Variants in COL4A4 observed in about 807,000 individuals in gnomAD.
COL4A4 encodes collagen type IV alpha 4 chain.
COL4A4 carries 105 observed loss-of-function variants against 192.9 expected under a neutral mutation model. The ratio of observed to expected loss-of-function variants is 0.54; its 90% CI spans 0.46 to 0.64. The LOEUF (loss-of-function observed/expected upper bound fraction) is 0.64. Ranked by LOEUF, COL4A4 falls within the 30% of genes least tolerant of loss-of-function variation. The probability of loss-of-function intolerance (pLI) is 0.00; values close to 1 mark genes in which losing one functional copy is unlikely to be tolerated. For synonymous variants in COL4A4, 762 were observed against 769.9 expected (o/e 0.99, Z 0.17); for missense variants, 1,967 against 2,169.3 (o/e 0.91, Z 1.85).
At chr2:227,013,412 A>T (rs945010031) in intron 44 of COL4A4, among the ~76,000 whole-genome samples, 2 of 152,130 alleles carry the variant, frequency 1.3e-5, no homozygotes, top group Admixed American at 1.3e-4. Context: ...ACCTTTAAGG[A>T]GGTGATTCTG....
intron 17 of COL4A4, among the ~76,000 whole-genome samples, chr2:227,100,018 C>T (rs2060419115): frequency 6.6e-6 from 1 of 152,210 alleles, no homozygotes; most frequent in Admixed American, 6.5e-5. Flanking sequence ...TAATGTCTAA[C>T]TTGGCATCGA....
At chr2:227,089,092 GA>G (rs2059759695) in intron 21 of COL4A4, among the ~76,000 whole-genome samples, 1 of 151,770 alleles carries the variant, frequency 6.6e-6, no homozygotes, top group Non-Finnish European at 1.5e-5. Flanking sequence ...GGGAAAAGCT[GA>G]TATCCAATTC....
chr2:227,095,507 T>C (rs936277134), intron 19 of COL4A4, among the ~76,000 whole-genome samples: 10 of 152,228 alleles, frequency 6.6e-5, no homozygotes, highest in African/African-American at 2.4e-4. Context: ...ATGTTCAGTG[T>C]GTTCAGATGA....
intron 20 of COL4A4, among the ~76,000 whole-genome samples, chr2:227,092,664 C>T (rs1027881402): frequency 6.6e-6 from 1 of 152,104 alleles, no homozygotes; most frequent in African/African-American, 2.4e-5. Flanking sequence ...AGACAATTGA[C>T]AAGATGTTCT....
At position 227,123,913 on chromosome 2, in the gene COL4A4, T is replaced by G. The variant is rs959890287; in HGVS notation, c.193-2765A>C. 3.9e-5 allele frequency among the ~76,000 whole-genome samples: 6 copies of G among 152,192 alleles called. No homozygotes were observed. The highest frequency in any genetic ancestry group is 2.0e-4 in the Admixed American group (3 of 15,280). Reference sequence around the variant, plus strand: ...GTTTGAAGCCCAGGACCACACTGACTTGCTGTGTGACCTTGGGTATGTTTC... The same window carrying G: ...GTTTGAAGCCCAGGACCACACTGACGTGCTGTGTGACCTTGGGTATGTTTC... On this transcript the variant is annotated intron_variant, in intron 4 of 47. Coordinates refer to ENST00000396625, the MANE Select transcript of COL4A4 (RefSeq NM_000092.5). The surrounding 1 kb of genome is among the most constrained non-coding windows in gnomAD (Gnocchi z 4.6).
chr2:226,971,565 T>A, the COL4A4 span, among the ~76,000 whole-genome samples: 3 of 152,252 alleles, frequency 2.0e-5, no homozygotes, highest in Non-Finnish European at 2.9e-5. Context: ...CAATAGCCAC[T>A]TTCAGGTCAT....
intron 4 of COL4A4, among the ~76,000 whole-genome samples, chr2:227,124,106 C>G (rs930764603): frequency 6.6e-6 from 1 of 152,088 alleles, no homozygotes; most frequent in South Asian, 2.1e-4. Flanking sequence ...AAACAAGCCA[C>G]AGAATAGTAT....
intron 4 of COL4A4, among the ~76,000 whole-genome samples, chr2:227,130,344 C>G (rs992517394): frequency 6.6e-6 from 1 of 152,216 alleles, no homozygotes; most frequent in Non-Finnish European, 1.5e-5. Flanking sequence ...ACCCCTTACT[C>G]CAGGCCATTG....
rs780832023 is a variant in COL4A4 at position 227,103,996 on chromosome 2, G to T, written c.792C>A (p.Asp264Glu). 1.9e-6 allele frequency: 3 copies of T among 1,613,498 alleles called. No individual in the cohort carries two copies. In the South Asian group the frequency reaches 3.3e-5, roughly 18 times the overall value. The change falls in exon 13 of 48, where the codon GAC becomes GAA. Residue 264 changes from aspartate (D) to glutamate (E), a missense_variant. Transcript: ENST00000396625. ...CCTTTTCTCCTTTATAGAGACAAAA[G>T]TCAGGTGGCTCTACCAACAGGGTGG... ...PGPTLLVEPP[D>E]FCLYKGEKGI... is the part of the protein sequence containing the mutation.
At chr2:227,008,340 C>G in intron 46 of COL4A4, 36 bp from the exon 47 acceptor site, 1 of 1,609,288 alleles carries the variant, frequency 6.2e-7, no homozygotes, top group Non-Finnish European at 8.5e-7. Flanking sequence ...GGTGTCCAAG[C>G]ACCCCATGTA....
intron 37 of COL4A4, among the ~76,000 whole-genome samples, chr2:227,040,551 T>C (rs915894323): frequency 1.3e-5 from 2 of 148,464 alleles, no homozygotes; most frequent in African/African-American, 2.5e-5. Context: ...AAAATACCCA[T>C]AGAAAAAATA....
intron 25 of COL4A4, among the ~76,000 whole-genome samples, chr2:227,074,259 C>T (rs1445390470): frequency 6.6e-6 from 1 of 151,808 alleles, no homozygotes; most frequent in Non-Finnish European, 1.5e-5. Flanking sequence ...AGACATTTCT[C>T]AAAGTAAGAT....
intron 4 of COL4A4, among the ~76,000 whole-genome samples, chr2:227,124,145 A>G (rs2061957544): frequency 6.6e-6 from 1 of 152,214 alleles, no homozygotes; most frequent in African/African-American, 2.4e-5. Flanking sequence ...TAGAGAAACA[A>G]AAGAACAGAC....
At chr2:226,984,820 C>G in the COL4A4 span, among the ~76,000 whole-genome samples, 1 of 151,096 alleles carries the variant, frequency 6.6e-6, no homozygotes, top group African/African-American at 2.4e-5. Flanking sequence ...TCTGAGTGTC[C>G]TTAGACAGCA....
chr2:227,107,517 A>G (rs1360884590), intron 12 of COL4A4, among the ~76,000 whole-genome samples: 1 of 152,090 alleles, frequency 6.6e-6, no homozygotes, highest in Non-Finnish European at 1.5e-5. Flanking sequence ...TGTTATATAT[A>G]TTTTTGACTC....
At chr2:227,096,912 A>G (rs2150719037) in intron 19 of COL4A4, among the ~76,000 whole-genome samples, 1 of 152,352 alleles carries the variant, frequency 6.6e-6, no homozygotes, top group East Asian at 1.9e-4. Flanking sequence ...AATTATCTAC[A>G]AGATATTCTA....
chr2:227,031,477 A>G (rs1968391552), intron 40 of COL4A4, among the ~76,000 whole-genome samples: 1 of 152,140 alleles, frequency 6.6e-6, no homozygotes, highest in East Asian at 1.9e-4. Context: ...GTCCCTGTGA[A>G]GTGATGAAAG....
rs1265794658 is a variant in COL4A4, at chr2:227,041,797, AAAGAAAGG to A, written c.3505+343_3505+350del. On this transcript the variant is annotated intron_variant, in intron 37 of 47. Transcript: ENST00000396625. ...AAGGAAGGAAGGAAGGGAAAGAAAGAAAGAAAGGAAGAAAGAAAGAAAGAAAGAAAGAA... is the reference window on the plus strand; with the variant it reads ...AAGGAAGGAAGGAAGGGAAAGAAAGAAAGAAAGAAAGAAAGAAAGAAAGAA... 2.8e-4 allele frequency among the ~76,000 whole-genome samples: 16 copies of A among 56,988 alleles called. 2 individuals are homozygous for A. The highest frequency in any genetic ancestry group is 6.8e-4 in the African/African-American group (8 of 11,844). The allele number at this position is 56,988 out of a possible 152,430, so 37.4% of individuals were successfully genotyped here. A position where few individuals can be genotyped will look rare whatever the true frequency, so the allele number is the denominator to read the frequency against.
chr2:227,075,267 C>T (rs138636651), intron 25 of COL4A4, among the ~76,000 whole-genome samples: 153 of 152,212 alleles, frequency 1.0e-3, no homozygotes, highest in African/African-American at 3.4e-3. Flanking sequence ...TACTGGCAAA[C>T]GGAATCCAGC....
Sources: allele counts gnomAD v4.1 joint callset (sites outside exome capture counted in the v4.1 genomes callset), GRCh38; gene constraint gnomAD v4.1.1; non-coding constraint Gnocchi (gnomAD v3.1); transcripts MANE v1.5; gene names NCBI Gene and HGNC (gene_info 2026-07-23, HGNC 2026-07-21).